The following SUGCT variants were observed in gnomAD, a reference collection of about 807,000 sequenced individuals.
SUGCT encodes succinyl-CoA:glutarate CoA-transferase.
In SUGCT, 41 loss-of-function variants were observed where a neutral mutation model predicts 55.0. The observed-to-expected ratio is 0.74, with a 90% CI of 0.58 to 0.97. SUGCT has a LOEUF of 0.97. SUGCT is among the 50% of genes least tolerant of loss of function. The pLI, the probability that SUGCT is intolerant of heterozygous loss-of-function variation, is 0.00. For missense variants in SUGCT, 568 were observed against 547.8 expected (o/e 1.04, Z -0.37); for synonymous variants, 187 against 200.4 (o/e 0.93, Z 0.56).
At chr7:40,879,798 ATG>A in the SUGCT span, among the ~76,000 whole-genome samples, 2 of 152,146 alleles carry the variant, frequency 1.3e-5, no homozygotes, top group Non-Finnish European at 2.9e-5. Context: ...GCCTCTCTCC[ATG>A]TGTCTTGTTT....
the SUGCT span, among the ~76,000 whole-genome samples, chr7:40,959,714 GA>G: frequency 0.5 from 72,575 of 144,980 alleles, 18,991 homozygotes; most frequent in African/African-American, 0.69. Context: ...ACTGGGGTAG[GA>G]AAAAAAAAAA....
rs1784620636 is a variant in SUGCT at position 40,377,198 on chromosome 7, CTTTTCTTTT to C, written c.816+60344_816+60352del. ...TCTTTCTTTCTTTCTTTCTTTCTTT[CTTTTCTTTT>C]CTTTTCTTTCTTTTCTTTCTTTCTT... On this transcript the variant is annotated intron_variant, in intron 9 of 13. Transcript: ENST00000335693. 1.2e-4 allele frequency among the ~76,000 whole-genome samples: 2 copies of C among 16,562 alleles called. 1 individual carries two copies. Among genetic ancestry groups the C allele is most frequent in the African/African-American group, 3.8e-4 (2 of 5,226 alleles). The allele number at this position is 16,562 out of a possible 152,430, so 10.9% of individuals were successfully genotyped here.
chr7:40,331,742 A>G (rs77497351), intron 9 of SUGCT, among the ~76,000 whole-genome samples: 7,681 of 152,198 alleles, frequency 0.05, 258 homozygotes, highest in Middle Eastern at 0.078. Context: ...GTTCATGACA[A>G]TGGTGTGGGT....
chr7:40,615,196 T>C (rs1267673943), intron 12 of SUGCT, among the ~76,000 whole-genome samples: 3 of 152,144 alleles, frequency 2.0e-5, no homozygotes, highest in African/African-American at 7.2e-5. Context: ...CCATCTATAG[T>C]CAGATTGATG....
the SUGCT span, among the ~76,000 whole-genome samples, chr7:40,915,331 G>A: frequency 2.6e-5 from 4 of 152,136 alleles, no homozygotes; most frequent in African/African-American, 9.7e-5. Context: ...CAAGGATCAT[G>A]ACTCAACAAG....
At chr7:40,206,730 A>G (rs1786997283) in intron 6 of SUGCT, among the ~76,000 whole-genome samples, 1 of 152,226 alleles carries the variant, frequency 6.6e-6, no homozygotes, top group Non-Finnish European at 1.5e-5. Context: ...AATATAAAGT[A>G]AATGCTGTGC....
At chr7:40,614,954 G>A (rs1210229866) in intron 12 of SUGCT, among the ~76,000 whole-genome samples, 1 of 151,990 alleles carries the variant, frequency 6.6e-6, no homozygotes, top group Non-Finnish European at 1.5e-5. Context: ...TACTTGGGAG[G>A]CTGAGGTGAG....
chr7:40,138,564 A>G (rs1787816535), intron 1 of SUGCT, among the ~76,000 whole-genome samples: 1 of 152,130 alleles, frequency 6.6e-6, no homozygotes, highest in Non-Finnish European at 1.5e-5. Context: ...TCTGTGAGAA[A>G]TCTCCATACT....
intron 9 of SUGCT, among the ~76,000 whole-genome samples, chr7:40,391,449 CA>C (rs574450819): frequency 1.8e-3 from 273 of 152,234 alleles, no homozygotes; most frequent in African/African-American, 5.6e-3. Flanking sequence ...AAAAATCAAA[CA>C]ACCCCATCAA....
the SUGCT span, among the ~76,000 whole-genome samples, chr7:40,904,014 G>A: frequency 3.3e-5 from 5 of 152,254 alleles, no homozygotes; most frequent in East Asian, 5.8e-4. Context: ...CTTACATCAC[G>A]CATACCATCC....
At chr7:40,144,403 T>C (rs1004496099) in intron 1 of SUGCT, among the ~76,000 whole-genome samples, 14 of 152,202 alleles carry the variant, frequency 9.2e-5, no homozygotes, top group Admixed American at 5.9e-4. Flanking sequence ...GGTTTTCCCC[T>C]GGGACTATGG....
At chr7:40,703,252 T>C (rs907356434) in intron 12 of SUGCT, among the ~76,000 whole-genome samples, 7 of 152,048 alleles carry the variant, frequency 4.6e-5, no homozygotes, top group African/African-American at 1.2e-4. Flanking sequence ...TTAGTAAAGA[T>C]GGGGTTTCTC....
chr7:40,587,464 TACA>T (rs1349831636), intron 12 of SUGCT, among the ~76,000 whole-genome samples: 4 of 152,224 alleles, frequency 2.6e-5, no homozygotes, highest in Non-Finnish European at 5.9e-5. Context: ...TATAAATATA[TACA>T]ACACATATAA....
At chr7:40,653,660 G>A (rs1197377564) in intron 12 of SUGCT, among the ~76,000 whole-genome samples, 6 of 152,060 alleles carry the variant, frequency 3.9e-5, no homozygotes, top group Non-Finnish European at 7.4e-5. Flanking sequence ...GAGCTGCCTG[G>A]TCAGCTGCAG....
chr7:40,357,756 T>C (rs1797945758), intron 9 of SUGCT, among the ~76,000 whole-genome samples: 1 of 152,052 alleles, frequency 6.6e-6, no homozygotes, highest in African/African-American at 2.4e-5. Flanking sequence ...TTTGTCTTTT[T>C]AAAATCTTTT....
intron 12 of SUGCT, among the ~76,000 whole-genome samples, chr7:40,622,331 T>C (rs1298097721): frequency 1.3e-4 from 20 of 152,266 alleles, no homozygotes; most frequent in Non-Finnish European, 4.4e-5. Context: ...TGAAACTTGA[T>C]GATAAATTTG....
chr7:40,775,544 T>C (rs1027468238), intron 13 of SUGCT: 3 of 152,248 alleles, frequency 2.0e-5, no homozygotes, highest in African/African-American at 7.2e-5. Context: ...AGGTTGATAC[T>C]ATTTTCTGTG....
chr7:40,815,234 C>T (rs947092200), intron 13 of SUGCT, among the ~76,000 whole-genome samples: 13 of 152,170 alleles, frequency 8.5e-5, no homozygotes, highest in South Asian at 6.2e-4. Context: ...CCAGGGGCCC[C>T]GATGGCAGGC....
chr7:40,909,033 C>A, the SUGCT span, among the ~76,000 whole-genome samples: 2 of 152,084 alleles, frequency 1.3e-5, no homozygotes, highest in African/African-American at 4.8e-5. Context: ...AAGACTATCT[C>A]TGGGTGGTCA....
Sources: allele counts gnomAD v4.1 joint callset (sites outside exome capture counted in the v4.1 genomes callset), GRCh38; gene constraint gnomAD v4.1.1; transcripts MANE v1.5; gene names NCBI Gene and HGNC (gene_info 2026-07-23, HGNC 2026-07-21).